CACNA2D3: variants seen among roughly 807,000 people sequenced by gnomAD.
CACNA2D3 encodes the protein voltage-dependent calcium channel subunit alpha-2/delta-3.
In CACNA2D3, 60 loss-of-function variants were observed where a neutral mutation model predicts 160.6. The ratio of observed to expected loss-of-function variants is 0.37; its 90% CI spans 0.30 to 0.46. CACNA2D3 has a LOEUF of 0.46. CACNA2D3 is among the 20% of genes least tolerant of loss of function. The pLI, the probability that CACNA2D3 is intolerant of heterozygous loss-of-function variation, is 1.00. For synonymous variants in CACNA2D3, 558 were observed against 492.9 expected (o/e 1.13, Z -1.75); for missense variants, 1,205 against 1,365.0 (o/e 0.88, Z 1.85).
At chr3:54,148,974 C>CTAAAAAAAAAAAAAAAAAAA (rs1553735007) in intron 2 of CACNA2D3, among the ~76,000 whole-genome samples, 1 of 116,588 alleles carries the variant, frequency 8.6e-6, no homozygotes, top group Non-Finnish European at 1.8e-5. Context: ...AAAACTCCAT[C>CTAAAAAAAAAAAAAAAAAAA]AAAAAAAAAA....
At chr3:55,068,176 G>T (rs577063528) in intron 35 of CACNA2D3, among the ~76,000 whole-genome samples, 94 of 152,334 alleles carry the variant, frequency 6.2e-4, no homozygotes, top group African/African-American at 2.1e-3. Flanking sequence ...TTATTGGAGA[G>T]GTGCAAGGGC....
intron 11 of CACNA2D3, among the ~76,000 whole-genome samples, chr3:54,701,403 A>G (rs758507897): frequency 6.6e-6 from 1 of 152,170 alleles, no homozygotes; most frequent in African/African-American, 2.4e-5. Flanking sequence ...TTCCCCCTCC[A>G]TCCTCTCTAT....
At chr3:54,678,456 C>T (rs1156904283) in intron 11 of CACNA2D3, among the ~76,000 whole-genome samples, 1 of 152,062 alleles carries the variant, frequency 6.6e-6, no homozygotes, top group Non-Finnish European at 1.5e-5. Flanking sequence ...GGCGCGGTGG[C>T]TCACGCCTGT....
intron 12 of CACNA2D3, among the ~76,000 whole-genome samples, chr3:54,762,498 G>A (rs549465862): frequency 6.6e-6 from 1 of 152,160 alleles, no homozygotes; most frequent in Non-Finnish European, 1.5e-5. Flanking sequence ...TGTTTACTCA[G>A]AACTGCCAGG....
At chr3:54,601,983 AC>A (rs1447453049) in intron 9 of CACNA2D3, among the ~76,000 whole-genome samples, 1 of 152,072 alleles carries the variant, frequency 6.6e-6, no homozygotes, top group Non-Finnish European at 1.5e-5. Context: ...CTTTGAGGAC[AC>A]TGGGAAATAA....
intron 4 of CACNA2D3, among the ~76,000 whole-genome samples, chr3:54,501,176 TATTACTGTC>T (rs1701288783): frequency 6.6e-6 from 1 of 152,202 alleles, no homozygotes; most frequent in South Asian, 2.1e-4. Context: ...CCACACCACT[TATTACTGTC>T]ACATTGGAAC....
At chr3:54,123,160 T>TGGG (rs111569059) in intron 1 of CACNA2D3, among the ~76,000 whole-genome samples, 66 of 151,278 alleles carry the variant, frequency 4.4e-4, no homozygotes, top group Admixed American at 3.2e-3. Flanking sequence ...CTTCTTTTTT[T>TGGG]GGGGGGGGGA....
At chr3:54,569,658 T>G in intron 6 of CACNA2D3, 137 bp from the exon 7 acceptor site, 1 of 689,314 alleles carries the variant, frequency 1.5e-6, no homozygotes, top group Non-Finnish European at 2.5e-6. Context: ...CGATGGAGCA[T>G]GTGATGAGCT....
chr3:54,862,147 T>G (rs1309060241), intron 17 of CACNA2D3, among the ~76,000 whole-genome samples: 2 of 152,104 alleles, frequency 1.3e-5, no homozygotes, highest in African/African-American at 2.4e-5. Context: ...ACATACATAT[T>G]TATACTGTAA....
chr3:54,603,198 C>T (rs1227963266), intron 9 of CACNA2D3, among the ~76,000 whole-genome samples: 1 of 152,206 alleles, frequency 6.6e-6, no homozygotes, highest in Non-Finnish European at 1.5e-5. Context: ...GGCCGTGCAG[C>T]CCGCCCGGCA....
chr3:54,840,268 C>CAG (rs1270415094), intron 16 of CACNA2D3, among the ~76,000 whole-genome samples: 1 of 152,116 alleles, frequency 6.6e-6, no homozygotes, highest in Non-Finnish European at 1.5e-5. Flanking sequence ...AGGCAATGTG[C>CAG]AGAGCTCTTT....
chr3:54,753,137 A>T (rs1394866047), intron 12 of CACNA2D3, among the ~76,000 whole-genome samples: 1 of 152,214 alleles, frequency 6.6e-6, no homozygotes, highest in African/African-American at 2.4e-5. Context: ...GCCTCATTAC[A>T]GGCATGAGCC....
At chr3:54,290,055 A>G (rs1231630381) in intron 2 of CACNA2D3, among the ~76,000 whole-genome samples, 2 of 151,468 alleles carry the variant, frequency 1.3e-5, no homozygotes, top group Non-Finnish European at 2.9e-5. Context: ...GAAATTGACA[A>G]ATGGGATCTA....
At chr3:54,780,008 C>T (rs1336043534) in intron 13 of CACNA2D3, among the ~76,000 whole-genome samples, 2 of 152,170 alleles carry the variant, frequency 1.3e-5, no homozygotes, top group African/African-American at 4.8e-5. Context: ...GCTCTCAGTC[C>T]TACCACCAGT....
intron 24 of CACNA2D3, among the ~76,000 whole-genome samples, chr3:54,889,891 C>G (rs189795351): frequency 7.9e-5 from 12 of 152,252 alleles, no homozygotes; most frequent in Admixed American, 3.9e-4. Context: ...TGATTCATTC[C>G]TAACACATAC....
At chr3:54,292,981 A>T (rs1228452841) in intron 2 of CACNA2D3, among the ~76,000 whole-genome samples, 2 of 152,224 alleles carry the variant, frequency 1.3e-5, no homozygotes, top group Admixed American at 6.5e-5. Flanking sequence ...CATACAATGG[A>T]ATTTTCAACC....
chr3:54,568,196 A>G (rs116282024), intron 6 of CACNA2D3, among the ~76,000 whole-genome samples: 1,682 of 152,308 alleles, frequency 0.011, 25 homozygotes, highest in African/African-American at 0.039. Flanking sequence ...TTTTCCTCCA[A>G]TGTTAGTTTG....
chr3:54,483,476 G>A (rs966269372), intron 4 of CACNA2D3, among the ~76,000 whole-genome samples: 7 of 152,148 alleles, frequency 4.6e-5, no homozygotes, highest in Non-Finnish European at 7.4e-5. Flanking sequence ...GCAGTTCCCC[G>A]ATCTGTATTG....
rs561636880 is a variant in CACNA2D3, at chr3:54,682,420, G to A, written c.1167+40179G>A. Among the ~76,000 whole-genome samples, 8 of 152,234 alleles carry A rather than the reference G, an allele frequency of 5.3e-5. No homozygotes were observed. In the South Asian group the frequency reaches 1.0e-3, roughly 20 times the overall value. ...GGCGAGTGGATCATTTGAGCCAGGA[G>A]TTTGAGACCAGCCTGGCCAACATGA... On this transcript the variant is annotated intron_variant, in intron 11 of 37. Coordinates refer to ENST00000474759, the MANE Select transcript of CACNA2D3 (RefSeq NM_018398.3).
Sources: gnomAD v4.1 joint callset for allele counts (sites outside exome capture counted in the v4.1 genomes callset) on GRCh38, gnomAD v4.1.1 for gene constraint, MANE v1.5 for transcripts, NCBI Gene and HGNC (gene_info 2026-07-23, HGNC 2026-07-21) for gene names.